The following PREX2 variants were observed in gnomAD, a reference collection of about 807,000 sequenced individuals.
The protein encoded by PREX2 is phosphatidylinositol-3,4,5-trisphosphate dependent Rac exchange factor 2.
PREX2 carries 107 observed loss-of-function variants against 203.2 expected under a neutral mutation model. The ratio of observed to expected loss-of-function variants is 0.53; its 90% CI spans 0.45 to 0.62. PREX2 has a LOEUF of 0.62. PREX2 is among the 20% of genes least tolerant of loss of function. The pLI, the probability that PREX2 is intolerant of heterozygous loss-of-function variation, is 0.00. For synonymous variants in PREX2, 672 were observed against 663.6 expected, an observed-to-expected ratio of 1.01 and a Z score of -0.19; for missense variants, 1,777 against 1,955.9, an observed-to-expected ratio of 0.91 and a Z score of 1.72.
intron 10 of PREX2, among the ~76,000 whole-genome samples, chr8:68,060,133 G>T (rs953123171): frequency 1.3e-5 from 2 of 152,218 alleles, no homozygotes; most frequent in Admixed American, 1.3e-4. Context: ...TCTTGGTGTG[G>T]TGGGAGGGCA....
At chr8:67,958,509 TTTCTTAGCAA>T (rs1805548829) in intron 1 of PREX2, among the ~76,000 whole-genome samples, 1 of 152,214 alleles carries the variant, frequency 6.6e-6, no homozygotes, top group African/African-American at 2.4e-5. Flanking sequence ...ATTAGATTTG[TTTCTTAGCAA>T]GAGAATTCTG....
intron 1 of PREX2, among the ~76,000 whole-genome samples, chr8:67,962,818 G>C (rs1327434066): frequency 6.6e-6 from 1 of 151,902 alleles, no homozygotes. Flanking sequence ...ACGTTGGCCA[G>C]GCTGCTCTCG....
rs1340512570 is a variant in PREX2 at position 67,952,486 on chromosome 8, T to A, written c.92T>A (p.Leu31His). 4 of 1,608,190 alleles carry A rather than the reference T, an allele frequency of 2.5e-6. No homozygotes were observed. The highest frequency in any genetic ancestry group is 3.4e-6 in the Non-Finnish European group (4 of 1,177,488). Residue 31 changes from leucine (L) to histidine (H), a missense_variant, in exon 1 of 40, where the codon CTC (leucine) becomes CAC (histidine). Coordinates refer to ENST00000288368, the MANE Select transcript of PREX2 (RefSeq NM_024870.4). ...CTGCGCGTGTGCGTGCTCAGCGAGC[T>A]CCAGAAGACCGAGCGGGACTATGTG... ...LRLRVCVLSE[L>H]QKTERDYVGT...
intron 22 of PREX2, among the ~76,000 whole-genome samples, chr8:68,097,573 C>G (rs185892275): frequency 3.3e-5 from 5 of 152,372 alleles, no homozygotes; most frequent in Non-Finnish European, 7.3e-5. Context: ...GATCCAGCTA[C>G]TTTGGCATTC....
At chr8:68,136,529 G>A (rs936899213) in intron 32 of PREX2, among the ~76,000 whole-genome samples, 4 of 152,168 alleles carry the variant, frequency 2.6e-5, no homozygotes, top group Non-Finnish European at 4.4e-5. Context: ...ACCATGGCTT[G>A]TGCTGTAGCT....
chr8:68,070,688 A>G (rs1014133981), intron 13 of PREX2, among the ~76,000 whole-genome samples: 1 of 152,192 alleles, frequency 6.6e-6, no homozygotes, highest in African/African-American at 2.4e-5. Flanking sequence ...ATGCTTTTCA[A>G]TCTTGGCTAT....
chr8:68,170,150 G>T (rs916822638), intron 35 of PREX2, among the ~76,000 whole-genome samples: 13 of 152,170 alleles, frequency 8.5e-5, no homozygotes, highest in Non-Finnish European at 1.5e-5. Flanking sequence ...CATGTTTGAG[G>T]AAGACAGAGA....
At chr8:68,055,997 A>G (rs890591702) in intron 10 of PREX2, 23 bp downstream of exon 10, 4 of 1,587,624 alleles carry the variant, frequency 2.5e-6, no homozygotes, top group Non-Finnish European at 3.4e-6. Context: ...GTTTGGGTGC[A>G]TGACTTTCTT....
intron 39 of PREX2, 27 bp downstream of exon 39, chr8:68,224,653 GC>G (rs1347098255): frequency 1.9e-6 from 3 of 1,583,436 alleles, no homozygotes; most frequent in Non-Finnish European, 1.7e-6. Flanking sequence ...CTCTGCCCTT[GC>G]CCGAAAGATT....
chr8:68,086,709 G>A (rs988140929), intron 18 of PREX2, among the ~76,000 whole-genome samples: 8 of 152,064 alleles, frequency 5.3e-5, no homozygotes, highest in South Asian at 4.2e-4. Flanking sequence ...CTGGTTTGCC[G>A]TGACAGCTTG....
intron 11 of PREX2, among the ~76,000 whole-genome samples, chr8:68,061,607 G>A (rs1262303997): frequency 1.3e-5 from 2 of 152,214 alleles, no homozygotes; most frequent in Non-Finnish European, 2.9e-5. Context: ...CTCTCTGGAT[G>A]TGGGTGATGA....
chr8:68,058,990 A>T (rs61198499), intron 10 of PREX2, among the ~76,000 whole-genome samples: 44,917 of 151,890 alleles, frequency 0.3, 6,765 homozygotes, highest in Admixed American at 0.32. Flanking sequence ...ATAAAAAAAA[A>T]TTAACAACTT....
intron 34 of PREX2, among the ~76,000 whole-genome samples, chr8:68,149,417 G>A (rs1811389689): frequency 6.6e-6 from 1 of 152,150 alleles, no homozygotes; most frequent in African/African-American, 2.4e-5. Flanking sequence ...AGAAACAGCT[G>A]GTCAGGAAAG....
At chr8:68,084,379 T>C (rs948416912) in intron 18 of PREX2, among the ~76,000 whole-genome samples, 1 of 152,182 alleles carries the variant, frequency 6.6e-6, no homozygotes, top group Non-Finnish European at 1.5e-5. Context: ...GTACATGCAG[T>C]ATTCTTCCCT....
chr8:68,148,145 G>T (rs1811364309), intron 34 of PREX2, among the ~76,000 whole-genome samples: 2 of 152,114 alleles, frequency 1.3e-5, no homozygotes, highest in Admixed American at 6.6e-5. Flanking sequence ...TACTCGGGAG[G>T]CTGAGGCACA....
intron 33 of PREX2, 123 bp downstream of exon 33, chr8:68,138,640 T>A: frequency 4.0e-6 from 2 of 500,048 alleles, no homozygotes; most frequent in Non-Finnish European, 3.5e-6. Flanking sequence ...TCCTTTTGAT[T>A]TAGAAATTTT....
At chr8:68,092,620 T>C (rs1376237112) in intron 20 of PREX2, among the ~76,000 whole-genome samples, 1 of 152,156 alleles carries the variant, frequency 6.6e-6, no homozygotes, top group Non-Finnish European at 1.5e-5. Context: ...GTTTTTTATT[T>C]GGAGGGATTA....
intron 37 of PREX2, 91 bp from the exon 38 acceptor site, chr8:68,217,525 T>G (rs1585871237): frequency 2.3e-6 from 2 of 879,772 alleles, no homozygotes. Flanking sequence ...TTTTGGCTGG[T>G]GCTTTCTGAT....
At chr8:68,034,696 A>G (rs1203950712) in intron 6 of PREX2, among the ~76,000 whole-genome samples, 1 of 152,114 alleles carries the variant, frequency 6.6e-6, no homozygotes, top group East Asian at 1.9e-4. Flanking sequence ...GGACCATTTA[A>G]AAATTACTTC....
Sources: allele counts gnomAD v4.1 joint callset (sites outside exome capture counted in the v4.1 genomes callset), GRCh38; gene constraint gnomAD v4.1.1; transcripts MANE v1.5; gene names NCBI Gene and HGNC (gene_info 2026-07-23, HGNC 2026-07-21).